Variants in POLR1A observed in about 807,000 individuals in gnomAD.
POLR1A encodes the protein RNA polymerase I subunit A.
A neutral mutation model predicts 205.3 loss-of-function variants in POLR1A; 84 were observed. That is an observed-to-expected ratio of 0.41 (90% CI 0.34 to 0.49). The LOEUF (loss-of-function observed/expected upper bound fraction) is 0.49, where lower values mean the gene tolerates loss of function less well. Among genes scored for constraint, POLR1A ranks in the 20% least tolerant of loss-of-function variants. The pLI, the probability that POLR1A is intolerant of heterozygous loss-of-function variation, is 0.22. For missense variants in POLR1A, 1,645 were observed against 2,204.5 expected (o/e 0.75, Z 5.08); for synonymous variants, 799 against 863.7 (o/e 0.93, Z 1.31).
intron 6 of POLR1A, among the ~76,000 whole-genome samples, chr2:86,086,773 C>T (rs1246153133): frequency 2.0e-5 from 3 of 152,224 alleles, no homozygotes; most frequent in Non-Finnish European, 2.9e-5. Context: ...ACCTGCCGGA[C>T]ATTTGCCCCA....
At chr2:86,066,324 A>T (rs1173458649) in intron 13 of POLR1A, among the ~76,000 whole-genome samples, 1 of 152,212 alleles carries the variant, frequency 6.6e-6, no homozygotes, top group Non-Finnish European at 1.5e-5. Context: ...AAAGGCTGTT[A>T]TCTACCAGAT....
At position 86,090,474 on chromosome 2, in the gene POLR1A, A is replaced by G. The variant is rs563825418; in HGVS notation, c.433-545T>C. On this transcript the variant is annotated intron_variant, in intron 3 of 33. Coordinates refer to ENST00000263857, the MANE Select transcript of POLR1A (RefSeq NM_015425.6). ...TTCCCCAGACCAAACCTAAGACTGCAAAGAGCCAAGATAGGTTAAAATATT... is the reference window on the plus strand; with the variant it reads ...TTCCCCAGACCAAACCTAAGACTGCGAAGAGCCAAGATAGGTTAAAATATT... 2.6e-5 allele frequency among the ~76,000 whole-genome samples: 4 copies of G among 152,280 alleles called. 1 individual carries two copies. In the South Asian group the frequency reaches 8.3e-4, roughly 32 times the overall value.
chr2:86,039,507 C>A, intron 25 of POLR1A, 45 bp from the exon 26 acceptor site: 20 of 1,611,234 alleles, frequency 1.2e-5, no homozygotes, highest in Non-Finnish European at 1.7e-5. Flanking sequence ...GGCAACCAGA[C>A]CTTCTGTTTG....
At chr2:86,052,170 C>G (rs1267969297) in intron 16 of POLR1A, among the ~76,000 whole-genome samples, 2 of 152,160 alleles carry the variant, frequency 1.3e-5, no homozygotes, top group African/African-American at 2.4e-5. Context: ...GTCTCGAACT[C>G]CTGGGCTCAA....
At chr2:86,064,756 CTT>C (rs564064619) in intron 14 of POLR1A, among the ~76,000 whole-genome samples, 3 of 146,006 alleles carry the variant, frequency 2.1e-5, no homozygotes, top group African/African-American at 2.5e-5. Context: ...ATGCAGTCTA[CTT>C]TTTTTTTTTT....
At chr2:86,098,145 G>A (rs554196064) in intron 3 of POLR1A, among the ~76,000 whole-genome samples, 1 of 152,330 alleles carries the variant, frequency 6.6e-6, no homozygotes, top group African/African-American at 2.4e-5. Context: ...GTATCATGTA[G>A]GTTGTATTCT....
At chr2:86,064,367 A>G (rs1673049983) in intron 14 of POLR1A, among the ~76,000 whole-genome samples, 1 of 152,216 alleles carries the variant, frequency 6.6e-6, no homozygotes, top group African/African-American at 2.4e-5. Flanking sequence ...TTGATCCTTA[A>G]GGCTGAACTT....
intron 12 of POLR1A, among the ~76,000 whole-genome samples, chr2:86,072,285 C>T (rs1573822815): frequency 6.6e-6 from 1 of 152,238 alleles, no homozygotes; most frequent in Non-Finnish European, 1.5e-5. Flanking sequence ...TGAGGGTTCC[C>T]ATGAGCATCT....
chr2:86,077,949 T>C lies in POLR1A; in HGVS notation c.1290A>G (p.Lys430=). The change falls in exon 11 of 34, where the codon AAA becomes AAG. Residue 430 remains lysine, a synonymous_variant. Coordinates refer to ENST00000263857, the MANE Select transcript of POLR1A (RefSeq NM_015425.6). ...ILEKKEGLFR[K]HMMGKRVDYA... ...AGTCCACTCGCTTTCCCATCATGTG[T>C]TTTCGGAACAGGCCTTCTTTCTTCT... is the stretch of plus-strand genomic sequence containing the variant. 6.2e-7 allele frequency: 1 copy of C among 1,614,130 alleles called. No homozygotes were observed. Among genetic ancestry groups the C allele is most frequent in the African/African-American group, 1.3e-5 (1 of 75,022 alleles).
At chr2:86,050,477 A>G (rs1013041947) in intron 16 of POLR1A, among the ~76,000 whole-genome samples, 2 of 152,184 alleles carry the variant, frequency 1.3e-5, no homozygotes, top group East Asian at 3.9e-4. Flanking sequence ...TGTGCCCTTT[A>G]TGGACCCCGC....
rs746526249 is a variant in POLR1A, at chr2:86,030,176, CAG to C, written c.4779+18_4779+19del. On this transcript the variant is annotated intron_variant, in intron 31 of 33. Transcript: ENST00000263857. The stretch of plus-strand genomic sequence containing the variant: ...TGAGGACTAATGCTTTGTCCCAGGC[CAG>C]CAGACAGCCTGTCTTACCTCTGCAT... 52 of 1,603,304 alleles carry C rather than the reference CAG, an allele frequency of 3.2e-5. 1 individual carries two copies. The African/African-American group carries it at 6.3e-4, about 19-fold the overall frequency.
intron 4 of POLR1A, among the ~76,000 whole-genome samples, chr2:86,089,178 T>G (rs1424521): frequency 6.6e-6 from 1 of 152,240 alleles, no homozygotes; most frequent in African/African-American, 2.4e-5. Flanking sequence ...ACTCAATAAG[T>G]GCTAGTTACT....
At chr2:86,040,091 T>A in intron 25 of POLR1A, 1 of 276,102 alleles carries the variant, frequency 3.6e-6, no homozygotes, top group Non-Finnish European at 6.8e-6. Flanking sequence ...TGGGGCTTGT[T>A]AACAATGTAC....
At chr2:86,100,709 TTAA>T (rs1238173652) in intron 1 of POLR1A, among the ~76,000 whole-genome samples, 6 of 151,898 alleles carry the variant, frequency 4.0e-5, no homozygotes. Context: ...AATTTTTCGA[TTAA>T]TATTTTTTTG....
intron 17 of POLR1A, 52 bp from the exon 18 acceptor site, chr2:86,049,094 T>C (rs754122378): frequency 6.8e-6 from 11 of 1,612,722 alleles, no homozygotes; most frequent in Non-Finnish European, 9.3e-6. Context: ...GACGAGAGTG[T>C]GGGTTTTGAC....
Position 86,041,879 on chromosome 2 carries a change from CT to C in POLR1A, c.3572+9del. Reference sequence around the variant, plus strand: ...CCTGCACATGTTGTGCAACAAATCACTGTCAATACCTGTCGAGAGAAAGCTC... The same window carrying C: ...CCTGCACATGTTGTGCAACAAATCACGTCAATACCTGTCGAGAGAAAGCTC... On this transcript the variant is annotated intron_variant, in intron 24 of 33. Transcript: ENST00000263857. 1 of 1,609,214 alleles carries C rather than the reference CT, an allele frequency of 6.2e-7. No homozygotes were observed.
chr2:86,074,998 A>T, intron 12 of POLR1A, 32 bp downstream of exon 12: 1 of 1,464,876 alleles, frequency 6.8e-7, no homozygotes, highest in Non-Finnish European at 9.4e-7. Flanking sequence ...CAGGAGCCGG[A>T]TGGGTCCCTG....
intron 3 of POLR1A, among the ~76,000 whole-genome samples, chr2:86,098,275 A>G (rs1673744818): frequency 1.3e-5 from 2 of 152,236 alleles, no homozygotes; most frequent in African/African-American, 2.4e-5. Context: ...AATTTTCTAC[A>G]TTACAATGTT....
At chr2:86,098,081 A>G (rs1673740202) in intron 3 of POLR1A, among the ~76,000 whole-genome samples, 1 of 152,220 alleles carries the variant, frequency 6.6e-6, no homozygotes, top group Admixed American at 6.5e-5. Flanking sequence ...AGCATTACCA[A>G]TAGGTGAACA....
Sources: allele counts gnomAD v4.1 joint callset (sites outside exome capture counted in the v4.1 genomes callset), GRCh38; gene constraint gnomAD v4.1.1; transcripts MANE v1.5; gene names NCBI Gene and HGNC (gene_info 2026-07-23, HGNC 2026-07-21).